The following PCDHGA6 variants were observed in gnomAD, a reference collection of about 807,000 sequenced individuals.
PCDHGA6 encodes protocadherin gamma-A6.
A neutral mutation model predicts 60.6 loss-of-function variants in PCDHGA6; 41 were observed. The observed-to-expected ratio is 0.68, with a 90% confidence interval of 0.53 to 0.88. PCDHGA6 has a LOEUF of 0.88. Among genes scored for constraint, PCDHGA6 ranks in the 40% least tolerant of loss-of-function variants. The probability of loss-of-function intolerance (pLI) is 0.00; values close to 1 mark genes in which losing one functional copy is unlikely to be tolerated. For missense variants in PCDHGA6, 1,312 were observed against 1,203.0 expected (o/e 1.09, Z -1.34); for synonymous variants, 594 against 524.4 (o/e 1.13, Z -1.81).
chr5:141,386,951 G>C (rs1313182720), intron 1 of PCDHGA6, among the ~76,000 whole-genome samples: 4 of 152,342 alleles, frequency 2.6e-5, no homozygotes, highest in Non-Finnish European at 4.4e-5. Flanking sequence ...CAGTGCTTCA[G>C]TGCAGCAGAT....
intron 1 of PCDHGA6, chr5:141,387,741 G>T: frequency 1.5e-6 from 2 of 1,332,868 alleles, no homozygotes; most frequent in Non-Finnish European, 2.0e-6. Context: ...CCTTTACACC[G>T]CTTCCTCCTC....
chr5:141,421,880 G>A (rs761272704), intron 1 of PCDHGA6: 3 of 1,613,600 alleles, frequency 1.9e-6, no homozygotes, highest in East Asian at 4.5e-5. Flanking sequence ...GCTTTAGATG[G>A]AGGCGATCCC....
At chr5:141,437,195 A>G (rs2097867163) in intron 1 of PCDHGA6, among the ~76,000 whole-genome samples, 2 of 152,180 alleles carry the variant, frequency 1.3e-5, no homozygotes, top group African/African-American at 4.8e-5. Context: ...ATGGGTTTGG[A>G]TGTGTTTACA....
chr5:141,404,072 C>G, intron 1 of PCDHGA6: 3 of 1,613,626 alleles, frequency 1.9e-6, no homozygotes, highest in Non-Finnish European at 2.5e-6. Context: ...TGCTCATGAC[C>G]GAGACTCCGG....
chr5:141,384,094 G>C (rs1223052119), intron 1 of PCDHGA6: 4 of 1,596,266 alleles, frequency 2.5e-6, no homozygotes, highest in Non-Finnish European at 3.4e-6. Flanking sequence ...AAAATCAATA[G>C]ATAATTATTA....
intron 1 of PCDHGA6, among the ~76,000 whole-genome samples, chr5:141,467,820 G>T (rs1278112158): frequency 6.6e-6 from 1 of 151,884 alleles, no homozygotes; most frequent in African/African-American, 2.4e-5. Flanking sequence ...CACCACACCA[G>T]GCTGATTTTT....
At position 141,422,923 on chromosome 5, in the gene PCDHGA6, C is replaced by T. The variant is rs188787674; in HGVS notation, c.2424+46416C>T. The T allele has an allele frequency of 1.6e-5, 26 of 1,614,252 alleles. No homozygotes were observed. In the East Asian group the frequency reaches 2.5e-4, roughly 15 times the overall value. On this transcript the variant is annotated intron_variant, in intron 1 of 3. Coordinates refer to ENST00000517434, the MANE Select transcript of PCDHGA6 (RefSeq NM_018919.3). ...CGACAATGCGCCCGAGATCCTGTAC[C>T]CTGCCCTCCCCACAGACGGCTCCAC...
Position 141,475,063 on chromosome 5 carries a change from C to T in PCDHGA6, c.2425-19744C>T, listed in dbSNP as rs552623067. Among the ~76,000 whole-genome samples the T allele has an allele frequency of 1.1e-4, 16 of 152,320 alleles. No individual in the cohort carries two copies. The South Asian group carries it at 2.9e-3, about 28-fold the overall frequency. The stretch of plus-strand genomic sequence containing the variant: ...TTGTATTTTCTAAAGATTTGTGGAG[C>T]TTTGCTGCCATTATTTCAATAATTT... On this transcript the variant is annotated intron_variant, in intron 1 of 3. Coordinates refer to ENST00000517434, the MANE Select transcript of PCDHGA6 (RefSeq NM_018919.3).
intron 1 of PCDHGA6, among the ~76,000 whole-genome samples, chr5:141,449,042 A>G (rs1211970675): frequency 6.6e-6 from 1 of 152,186 alleles, no homozygotes; most frequent in Non-Finnish European, 1.5e-5. Context: ...ATTATTAACC[A>G]GTCTCATAAA....
chr5:141,427,013 T>A, intron 1 of PCDHGA6: 2 of 456,846 alleles, frequency 4.4e-6, no homozygotes, highest in Non-Finnish European at 8.8e-6. Flanking sequence ...TTAGCCAGGA[T>A]GTATACAAAG....
chr5:141,446,558 T>G (rs1413501675), intron 1 of PCDHGA6, among the ~76,000 whole-genome samples: 3 of 151,788 alleles, frequency 2.0e-5, no homozygotes, highest in Non-Finnish European at 1.5e-5. Flanking sequence ...CTCACTGCAA[T>G]CTCTGCCTCC....
At chr5:141,466,275 A>G (rs1163982252) in intron 1 of PCDHGA6, among the ~76,000 whole-genome samples, 1 of 152,112 alleles carries the variant, frequency 6.6e-6, no homozygotes. Context: ...AGCTCAAGCA[A>G]TCTTCCCACC....
At chr5:141,404,072 C>T (rs779657331) in intron 1 of PCDHGA6, 1 of 1,613,626 alleles carries the variant, frequency 6.2e-7, no homozygotes, top group Non-Finnish European at 8.5e-7. Flanking sequence ...TGCTCATGAC[C>T]GAGACTCCGG....
At chr5:141,383,473 C>A (rs764928203) in intron 1 of PCDHGA6, 1 of 1,613,568 alleles carries the variant, frequency 6.2e-7, no homozygotes, top group African/African-American at 1.3e-5. Flanking sequence ...AACTAAGTAC[C>A]CGGAACTGGT....
Position 141,491,048 on chromosome 5 carries a change from C to T in PCDHGA6, c.2425-3759C>T, listed in dbSNP as rs755163825. The T allele has an allele frequency of 7.4e-6, 12 of 1,613,948 alleles. No individual in the cohort carries two copies. Among genetic ancestry groups the T allele is most frequent in the South Asian group, 4.4e-5 (4 of 91,090 alleles). ...GTGGATGCTGATGCAGGCCACAATG[C>T]GTGGCTCTCCTACTCACTGTTGCCA... On this transcript the variant is annotated intron_variant, in intron 1 of 3. Coordinates refer to ENST00000517434, the MANE Select transcript of PCDHGA6 (RefSeq NM_018919.3). The surrounding 1 kb of genome is among the most constrained non-coding windows in gnomAD (Gnocchi z 6.9).
At chr5:141,454,311 T>C (rs755771201) in intron 1 of PCDHGA6, among the ~76,000 whole-genome samples, 1 of 152,216 alleles carries the variant, frequency 6.6e-6, no homozygotes, top group Non-Finnish European at 1.5e-5. Context: ...TTTCAAAGCA[T>C]TGAAACCTCC....
chr5:141,486,346 C>G lies in PCDHGA6; in HGVS notation c.2425-8461C>G. 1 of 1,614,120 alleles carries G rather than the reference C, an allele frequency of 6.2e-7. No individual in the cohort carries two copies. Among genetic ancestry groups the G allele is most frequent in the East Asian group, 2.2e-5 (1 of 44,874 alleles). ...GAGATGTGAGCCTCCGCATTCCTGA[C>G]CACTTGCCATTTGCCCTCAAGTCTG... On this transcript the variant is annotated intron_variant, in intron 1 of 3. Coordinates refer to ENST00000517434, the MANE Select transcript of PCDHGA6 (RefSeq NM_018919.3). This position sits in a 1 kb window ranked among gnomAD's most constrained non-coding sequence, Gnocchi z 5.0.
At chr5:141,415,740 G>GTTTTTTT (rs57426385) in intron 1 of PCDHGA6, 164 of 624,990 alleles carry the variant, frequency 2.6e-4, no homozygotes, top group African/African-American at 5.0e-4. Flanking sequence ...GTTTATTAAG[G>GTTTTTTT]TTTTTTTTTT....
At chr5:141,399,736 G>A (rs771689220) in intron 1 of PCDHGA6, 4 of 1,613,306 alleles carry the variant, frequency 2.5e-6, no homozygotes, top group Non-Finnish European at 3.4e-6. Flanking sequence ...GGGCTCGCCT[G>A]CGCTCAGCGC....
Sources: allele counts gnomAD v4.1 joint callset (sites outside exome capture counted in the v4.1 genomes callset), GRCh38; gene constraint gnomAD v4.1.1; non-coding constraint Gnocchi (gnomAD v3.1); transcripts MANE v1.5; gene names NCBI Gene and HGNC (gene_info 2026-07-23, HGNC 2026-07-21).